VPS13B: variants seen among roughly 807,000 people sequenced by gnomAD.
The protein encoded by VPS13B is vacuolar protein sorting 13 homolog B.
A neutral mutation model predicts 426.4 loss-of-function variants in VPS13B; 285 were observed. The observed-to-expected ratio is 0.67, with a 90% confidence interval of 0.61 to 0.74. The LOEUF is 0.74. VPS13B is among the 30% of genes least tolerant of loss of function. VPS13B has a pLI of 0.00. For synonymous variants in VPS13B, 1,676 were observed against 1,676.4 expected, an observed-to-expected ratio of 1.00 and a Z score of 0.01; for missense variants, 4,537 against 4,782.6, an observed-to-expected ratio of 0.95 and a Z score of 1.51.
intron 15 of VPS13B, among the ~76,000 whole-genome samples, chr8:99,166,967 A>C (rs540270213): frequency 6.6e-6 from 1 of 152,296 alleles, no homozygotes; most frequent in African/African-American, 2.4e-5. Context: ...ATTCCTTTTT[A>C]GGTGAAGAGA....
chr8:99,669,988 A>G (rs537057622), intron 35 of VPS13B, among the ~76,000 whole-genome samples: 201 of 152,236 alleles, frequency 1.3e-3, no homozygotes, highest in Non-Finnish European at 2.3e-3. Flanking sequence ...ATAAAATAGT[A>G]AAAGAGTTCT....
intron 16 of VPS13B, among the ~76,000 whole-genome samples, chr8:99,191,376 C>CTTTTTTTTTTTTT (rs35215814): frequency 1.4e-5 from 1 of 70,922 alleles, no homozygotes; most frequent in Non-Finnish European, 2.6e-5. Flanking sequence ...CTCTCTCTCT[C>CTTTTTTTTTTTTT]TTTTTTTTTT....
intron 30 of VPS13B, among the ~76,000 whole-genome samples, chr8:99,553,567 C>T (rs998856672): frequency 4.7e-4 from 72 of 152,078 alleles, no homozygotes; most frequent in African/African-American, 1.7e-3. Flanking sequence ...TTCAATTACA[C>T]ATATATTTTA....
chr8:99,481,564 G>A, intron 24 of VPS13B, 35 bp from the exon 25 acceptor site: 1 of 1,602,478 alleles, frequency 6.2e-7, no homozygotes, highest in Non-Finnish European at 8.5e-7. Context: ...GAAGTTGAAA[G>A]ACTTGTTTTC....
rs140216567 is a variant in VPS13B at position 99,520,389 on chromosome 8, T to TTGTGTGTG, written c.4634-476_4634-469dup. 2.1e-3 allele frequency among the ~76,000 whole-genome samples: 293 copies of TTGTGTGTG among 138,560 alleles called. 1 individual carries two copies. Among genetic ancestry groups the TTGTGTGTG allele is most frequent in the Middle Eastern group, 3.7e-3 (1 of 270 alleles). The allele number at this position is 138,560 out of a possible 152,430, so 90.9% of individuals were successfully genotyped here. A position where few individuals can be genotyped will look rare whatever the true frequency, so the allele number is the denominator to read the frequency against. ...ATTTTGGAGCTTAAAGTGATATACTTTGTGTGTGTGTGTGTGTGTGTGTGT... is the reference window on the plus strand; with the variant it reads ...ATTTTGGAGCTTAAAGTGATATACTTTGTGTGTGTGTGTGTGTGTGTGTGTGTGTGTGT... On this transcript the variant is annotated intron_variant, in intron 29 of 61. Transcript: ENST00000357162.
intron 54 of VPS13B, among the ~76,000 whole-genome samples, chr8:99,838,020 T>C: frequency 6.6e-6 from 1 of 152,208 alleles, no homozygotes; most frequent in East Asian, 1.9e-4. Context: ...AATTTTGAAA[T>C]GGATTGCATG....
intron 17 of VPS13B, among the ~76,000 whole-genome samples, chr8:99,228,812 A>G (rs1490442414): frequency 6.6e-6 from 1 of 152,164 alleles, no homozygotes; most frequent in Admixed American, 6.5e-5. Context: ...AGTGTGTGGT[A>G]AGTACTGCTG....
At chr8:99,758,926 T>C (rs781763307) in intron 39 of VPS13B, among the ~76,000 whole-genome samples, 1 of 152,184 alleles carries the variant, frequency 6.6e-6, no homozygotes, top group Admixed American at 6.5e-5. Context: ...CACGTTCTTT[T>C]TGTCTCAAGG....
rs547550277 is a variant in VPS13B, at chr8:99,744,912, T to C, written c.7051-21862T>C. On this transcript the variant is annotated intron_variant, in intron 39 of 61. Transcript: ENST00000357162. Reference sequence around the variant, plus strand: ...GTGCAGCACACCAACATGGCACATGTATACATATGTAACTAACCTGCACAA... The same window carrying C: ...GTGCAGCACACCAACATGGCACATGCATACATATGTAACTAACCTGCACAA... Among the ~76,000 whole-genome samples the C allele has an allele frequency of 2.0e-5, 3 of 152,090 alleles. No homozygotes were observed. The South Asian group carries it at 6.2e-4, about 32-fold the overall frequency.
intron 5 of VPS13B, among the ~76,000 whole-genome samples, chr8:99,105,444 T>C (rs1846994125): frequency 1.3e-5 from 2 of 152,154 alleles, no homozygotes; most frequent in Admixed American, 1.3e-4. Context: ...AGTGACGCAA[T>C]CTTGGCTCAC....
At chr8:99,225,807 T>C (rs748403568) in intron 17 of VPS13B, among the ~76,000 whole-genome samples, 2 of 152,238 alleles carry the variant, frequency 1.3e-5, no homozygotes, top group Non-Finnish European at 2.9e-5. Flanking sequence ...CTTTCTAAAA[T>C]GGAATTCTGA....
At chr8:99,781,210 T>C (rs1025273975) in intron 42 of VPS13B, among the ~76,000 whole-genome samples, 2 of 152,166 alleles carry the variant, frequency 1.3e-5, no homozygotes, top group Non-Finnish European at 2.9e-5. Context: ...CTTTTATAAA[T>C]GATGACTGTT....
chr8:99,818,564 T>G, intron 46 of VPS13B, 30 bp downstream of exon 46: 1 of 1,610,806 alleles, frequency 6.2e-7, no homozygotes. Context: ...TAAAATATGG[T>G]ATATGACTCT....
At position 99,676,503 on chromosome 8, in the gene VPS13B, A is replaced by G. The variant is rs532719684; in HGVS notation, c.6046+15012A>G. ...GGCAGGCCCAGTGGTGGAGACCAAG[A>G]CAAAGTCTTACATTCACTTCCTTCT... On this transcript the variant is annotated intron_variant, in intron 35 of 61. Transcript: ENST00000357162. Among the ~76,000 whole-genome samples, 7 of 152,154 alleles carry G rather than the reference A, an allele frequency of 4.6e-5. No individual in the cohort carries two copies. In the South Asian group the frequency reaches 1.3e-3, roughly 27 times the overall value.
At chr8:99,020,182 G>A (rs1349032260) in intron 2 of VPS13B, among the ~76,000 whole-genome samples, 1 of 151,828 alleles carries the variant, frequency 6.6e-6, no homozygotes, top group Non-Finnish European at 1.5e-5. Context: ...CTATCCTAAT[G>A]GGTATGAAAT....
Position 99,429,210 on chromosome 8 carries a change from A to G in VPS13B, c.3083-2327A>G, listed in dbSNP as rs532049230. ...AAGAGTTAATGGGTGCAGCCCACCA[A>G]CATGGCACATATATACATATGTAAC... On this transcript the variant is annotated intron_variant, in intron 21 of 61. Transcript: ENST00000357162. Among the ~76,000 whole-genome samples the G allele has an allele frequency of 1.6e-4, 25 of 152,008 alleles. No individual in the cohort carries two copies. The East Asian group carries it at 4.3e-3, about 26-fold the overall frequency.
intron 35 of VPS13B, among the ~76,000 whole-genome samples, chr8:99,668,812 A>G (rs1830587671): frequency 1.3e-5 from 2 of 152,122 alleles, no homozygotes; most frequent in African/African-American, 4.8e-5. Flanking sequence ...CAGTTCGGCA[A>G]TCCTGGTTTC....
At chr8:99,814,984 T>C (rs1266843326) in intron 44 of VPS13B, among the ~76,000 whole-genome samples, 3 of 152,110 alleles carry the variant, frequency 2.0e-5, no homozygotes, top group Non-Finnish European at 4.4e-5. Flanking sequence ...TTATTAAATA[T>C]CTCTGTTAAA....
At chr8:99,871,764 T>C (rs943700689) in intron 61 of VPS13B, 67 bp downstream of exon 61, 10 of 1,608,394 alleles carry the variant, frequency 6.2e-6, no homozygotes, top group Admixed American at 5.0e-5. Flanking sequence ...GGCTGGTCAC[T>C]GGTACCTAGG....
Sources: allele counts gnomAD v4.1 joint callset (sites outside exome capture counted in the v4.1 genomes callset), GRCh38; gene constraint gnomAD v4.1.1; transcripts MANE v1.5; gene names NCBI Gene and HGNC (gene_info 2026-07-23, HGNC 2026-07-21).